Variants in HLA-DPA1 observed in about 807,000 individuals in gnomAD.
HLA-DPA1 encodes the protein major histocompatibility complex, class II, DP alpha 1.
A neutral mutation model predicts 21.5 loss-of-function variants in HLA-DPA1; 20 were observed. The observed-to-expected ratio is 0.93, with a 90% CI of 0.66 to 1.35. The LOEUF is 1.35. Among genes scored for constraint, HLA-DPA1 ranks in the 40% most tolerant of loss-of-function variants. The probability of loss-of-function intolerance (pLI) is 0.00; values close to 1 mark genes in which losing one functional copy is unlikely to be tolerated. For synonymous variants in HLA-DPA1, 123 were observed against 129.6 expected (o/e 0.95, Z 0.35); for missense variants, 279 against 323.0 (o/e 0.86, Z 1.05).
chr6:33,078,017 A>T (rs1206586424), intron 1 of HLA-DPA1, among the ~76,000 whole-genome samples: 5 of 152,100 alleles, frequency 3.3e-5, no homozygotes, highest in African/African-American at 1.2e-4. Flanking sequence ...CTGGAGCAGC[A>T]CTGGTGACAC....
chr6:33,069,675 C>T, exon 3 of HLA-DPA1: 1 of 1,608,452 alleles, frequency 6.2e-7, no homozygotes, highest in East Asian at 2.3e-5. Context: ...AACGCTGGAT[C>T]AAGGTATTCA....
chr6:33,079,923 C>A (rs7760936), intron 1 of HLA-DPA1: 2 of 267,548 alleles, frequency 7.5e-6, no homozygotes, highest in Non-Finnish European at 1.5e-5. Context: ...AAAATTACAT[C>A]AATGCCTCTA....
At chr6:33,077,761 C>A (rs561828883) in intron 1 of HLA-DPA1, among the ~76,000 whole-genome samples, 2 of 152,260 alleles carry the variant, frequency 1.3e-5, no homozygotes, top group East Asian at 3.9e-4. Context: ...CCTCTCCACA[C>A]CCCTCCTAGG....
rs1554182903 is a variant in HLA-DPA1 at position 33,069,776 on chromosome 6, C to T, written c.211G>A (p.Glu71Lys). ...AACTCCTCCAGATGCCAGACGGTCT[C>T]CTTCTTGTCCAGATCCACATAGAAC... Residue 71 changes from glutamate (E) to lysine (K), a missense_variant, in exon 3 of 6, where the codon GAG becomes AAG. Glu to Lys is a moderately conservative substitution (Grantham distance 56). Transcript: ENST00000419277. 1.1e-5 allele frequency: 18 copies of T among 1,612,408 alleles called. No homozygotes were observed. The South Asian group carries it at 2.0e-4, about 18-fold the overall frequency.
chr6:33,069,826 A>G (rs1042175), exon 3 of HLA-DPA1: 7 of 1,610,822 alleles, frequency 4.3e-6, no homozygotes, highest in Non-Finnish European at 5.9e-6. Context: ...AAATTCAAAC[A>G]TAAACTCCCC....
At chr6:33,068,498 C>A in intron 5 of HLA-DPA1, 140 bp downstream of exon 4, 1 of 649,606 alleles carries the variant, frequency 1.5e-6, no homozygotes, top group South Asian at 2.2e-5. Context: ...ATTAACTACT[C>A]AGTTAGTTAT....
intron 3 of HLA-DPA1, 115 bp downstream of exon 2, chr6:33,069,526 G>A (rs1562125089): frequency 2.3e-6 from 3 of 1,326,952 alleles, no homozygotes; most frequent in Non-Finnish European, 3.2e-6. Context: ...ATGGCCACTA[G>A]GGGAAGAGGA....
chr6:33,080,701 T>C lies in HLA-DPA1; in HGVS notation c.-121A>G, dbSNP rs1424116907. ...TTACCTTTTCCAGGGACGGCAGGAA[T>C]GCTACGCGTTTAATGGGACACAGCG... On this transcript the variant is annotated 5_prime_UTR_variant, in exon 1 of 6. Transcript: ENST00000419277. The surrounding 1 kb of genome is among the most constrained non-coding windows in gnomAD (Gnocchi z 4.3). The C allele has an allele frequency of 5.0e-6, 8 of 1,613,002 alleles. No individual in the cohort carries two copies. The highest frequency in any genetic ancestry group is 6.8e-6 in the Non-Finnish European group (8 of 1,179,764).
At chr6:33,075,031 T>C (rs1762469579) in intron 1 of HLA-DPA1, among the ~76,000 whole-genome samples, 1 of 152,228 alleles carries the variant, frequency 6.6e-6, no homozygotes, top group Non-Finnish European at 1.5e-5. Flanking sequence ...TCCAACAGGA[T>C]CACATTTATA....
chr6:33,078,411 AAC>A (rs907722685), intron 1 of HLA-DPA1, among the ~76,000 whole-genome samples: 21 of 152,286 alleles, frequency 1.4e-4, no homozygotes, highest in Non-Finnish European at 2.6e-4. Context: ...CCCAACCTCA[AAC>A]AGGGCACAAG....
intron 5 of HLA-DPA1, chr6:33,066,717 A>T (rs1761975019): frequency 1.3e-5 from 2 of 152,238 alleles, no homozygotes; most frequent in Non-Finnish European, 2.9e-5. Flanking sequence ...CTGCAAATCA[A>T]TAAGAAAATG....
rs150312069 is a variant in HLA-DPA1 at position 33,075,389 on chromosome 6, G to A, written c.-99-1720C>T. ...TCCCAGTGTAAGGTCCCTAGACTGA[G>A]CCCTCCTGACCCTGATGACAGTCCT... On this transcript the variant is annotated intron_variant, in intron 1 of 5. Coordinates refer to ENST00000419277, the Ensembl canonical transcript of HLA-DPA1. Among the ~76,000 whole-genome samples, 532 of 152,260 alleles carry A rather than the reference G, an allele frequency of 3.5e-3. 3 individuals carry two copies. The highest frequency in any genetic ancestry group is 0.026 in the East Asian group (133 of 5,180).
chr6:33,075,978 C>G, intron 1 of HLA-DPA1: 1 of 1,229,232 alleles, frequency 8.1e-7, no homozygotes, highest in Non-Finnish European at 1.2e-6. Context: ...ACAGGAGCTC[C>G]CTTTAGCGAG....
At chr6:33,078,900 C>T (rs1182235733) in intron 1 of HLA-DPA1, among the ~76,000 whole-genome samples, 4 of 152,082 alleles carry the variant, frequency 2.6e-5, no homozygotes, top group African/African-American at 7.2e-5. Context: ...CAGGCAGGGG[C>T]GGATGGATGG....
chr6:33,071,620 G>A (rs891678565), intron 2 of HLA-DPA1, among the ~76,000 whole-genome samples: 5 of 152,166 alleles, frequency 3.3e-5, no homozygotes, highest in East Asian at 1.9e-4. Flanking sequence ...TAATACATAC[G>A]TCCTGTTCTG....
At chr6:33,069,604 G>A (rs1192978068) in intron 3 of HLA-DPA1, 37 bp downstream of exon 2, 1 of 1,608,382 alleles carries the variant, frequency 6.2e-7, no homozygotes, top group South Asian at 1.1e-5. Context: ...ATCCCTTCCA[G>A]TTGGGCTACA....
intron 1 of HLA-DPA1, chr6:33,076,235 C>G (rs1270400014): frequency 1.2e-6 from 1 of 832,542 alleles, no homozygotes; most frequent in African/African-American, 1.7e-5. Context: ...AGACAGGCTG[C>G]GGGGGCTCCT....
intron 5 of HLA-DPA1, chr6:33,066,526 G>T (rs1356053775): frequency 1.3e-5 from 2 of 152,202 alleles, no homozygotes; most frequent in Non-Finnish European, 2.9e-5. Flanking sequence ...GTATAGGGAA[G>T]ACTTCTTTTA....
intron 1 of HLA-DPA1, among the ~76,000 whole-genome samples, chr6:33,079,296 T>C (rs1762713959): frequency 6.6e-6 from 1 of 152,278 alleles, no homozygotes; most frequent in Admixed American, 6.5e-5. Flanking sequence ...CTGATAATTC[T>C]GTGTAGACAC....
Sources: gnomAD v4.1 joint callset for allele counts (sites outside exome capture counted in the v4.1 genomes callset) on GRCh38, gnomAD v4.1.1 for gene constraint, Gnocchi (gnomAD v3.1) non-coding constraint, MANE v1.5 for transcripts, NCBI Gene and HGNC (gene_info 2026-07-23, HGNC 2026-07-21) for gene names.